Variants in RNASET2 observed in about 807,000 individuals in gnomAD.
The protein encoded by RNASET2 is ribonuclease T2.
In RNASET2, 28 loss-of-function variants were observed where a neutral mutation model predicts 33.9. That is an observed-to-expected ratio of 0.83 (90% confidence interval 0.61 to 1.13). The LOEUF (loss-of-function observed/expected upper bound fraction) is 1.13. Among genes scored for constraint, RNASET2 ranks in the 50% most tolerant of loss-of-function variants. The pLI, the probability that RNASET2 is intolerant of heterozygous loss-of-function variation, is 0.00. For synonymous variants in RNASET2, 123 were observed against 121.0 expected, an observed-to-expected ratio of 1.02 and a Z score of -0.11; for missense variants, 330 against 319.9, an observed-to-expected ratio of 1.03 and a Z score of -0.24.
chr6:166,951,124 T>C (rs1297583429), intron 2 of RNASET2, among the ~76,000 whole-genome samples: 2 of 152,046 alleles, frequency 1.3e-5, no homozygotes, highest in African/African-American at 4.8e-5. Flanking sequence ...GTCACGTGAG[T>C]CACGTGTCCA....
intron 7 of RNASET2, chr6:166,931,451 C>T (rs1369486106): frequency 4.8e-6 from 2 of 415,304 alleles, no homozygotes; most frequent in Admixed American, 7.7e-5. Context: ...CAGCCACCCT[C>T]ATCCACCAAC....
At chr6:166,946,433 C>T (rs934224916) in intron 4 of RNASET2, among the ~76,000 whole-genome samples, 2 of 152,204 alleles carry the variant, frequency 1.3e-5, no homozygotes, top group East Asian at 3.9e-4. Flanking sequence ...CCGGTCGGAG[C>T]CCCTCGCTCA....
intron 5 of RNASET2, among the ~76,000 whole-genome samples, chr6:166,939,434 T>C (rs1481405865): frequency 6.6e-6 from 1 of 152,200 alleles, no homozygotes; most frequent in East Asian, 1.9e-4. Context: ...TTTTACAAAG[T>C]AGGAAGGATA....
intron 8 of RNASET2, among the ~76,000 whole-genome samples, chr6:166,930,666 C>T (rs956786405): frequency 6.0e-5 from 9 of 149,478 alleles, no homozygotes; most frequent in Non-Finnish European, 8.9e-5. Flanking sequence ...ACAGCACATG[C>T]GCACATGTAT....
chr6:166,956,347 G>C lies in RNASET2; in HGVS notation c.-165C>G. On this transcript the variant is annotated 5_prime_UTR_variant, in exon 1 of 9. Coordinates refer to ENST00000508775, the MANE Select transcript of RNASET2 (RefSeq NM_003730.6). The stretch of plus-strand genomic sequence containing the variant: ...CCGGGTGCGCCCGGAGCCCTGGGAC[G>C]GCCTAAACCAGTATCTCGCGGGCCC... 3 of 660,594 alleles carry C rather than the reference G, an allele frequency of 4.5e-6. No individual in the cohort carries two copies. The highest frequency in any genetic ancestry group is 7.9e-6 in the Non-Finnish European group (3 of 378,246). The allele number at this position is 660,594 out of a possible 1,614,324, so 40.9% of individuals were successfully genotyped here.
Position 166,927,346 on chromosome 6 carries a change from G to A in RNASET2, c.*2242C>T, listed in dbSNP as rs1196639700. ...TTAAGAGAGCCAAGCATTTGCTTGTGCTCATGTTTTGAACCATCCAGCCCC... is the reference window on the plus strand; with the variant it reads ...TTAAGAGAGCCAAGCATTTGCTTGTACTCATGTTTTGAACCATCCAGCCCC... On this transcript the variant is annotated 3_prime_UTR_variant, in exon 9 of 9. Coordinates refer to ENST00000508775, the MANE Select transcript of RNASET2 (RefSeq NM_003730.6). Among the ~76,000 whole-genome samples, 5 of 152,036 alleles carry A rather than the reference G, an allele frequency of 3.3e-5. No individual in the cohort carries two copies. The highest frequency in any genetic ancestry group is 2.9e-5 in the Non-Finnish European group (2 of 68,010).
At chr6:166,930,897 C>T in intron 8 of RNASET2, 147 bp downstream of exon 8, 2 of 716,458 alleles carry the variant, frequency 2.8e-6, no homozygotes, top group Non-Finnish European at 5.1e-6. Flanking sequence ...CACACACATG[C>T]ACACACACAC....
chr6:166,956,207 T>C lies in RNASET2; in HGVS notation c.-25A>G. 1 of 1,541,130 alleles carries C rather than the reference T, an allele frequency of 6.5e-7. No homozygotes were observed. Among genetic ancestry groups the C allele is most frequent in the Non-Finnish European group, 8.8e-7 (1 of 1,140,376 alleles). ...TGGTGCCGACCTGCGGAGAGAACGC[T>C]GCCAGCTGCCGCTCCGGCTCCCACT... On this transcript the variant is annotated 5_prime_UTR_variant, in exon 1 of 9. Coordinates refer to ENST00000508775, the MANE Select transcript of RNASET2 (RefSeq NM_003730.6).
Position 166,941,970 on chromosome 6 carries a change from T to C in RNASET2, c.332+1049A>G, listed in dbSNP as rs887863266. Among the ~76,000 whole-genome samples the C allele has an allele frequency of 2.6e-5, 4 of 152,184 alleles. No individual in the cohort carries two copies. The South Asian group carries it at 6.2e-4, about 24-fold the overall frequency. ...TGCTGAACTTAAAGGTGCTTCACTA[T>C]GACTGAGGTCTCAGCCTCACATGCT... is the stretch of plus-strand genomic sequence containing the variant. On this transcript the variant is annotated intron_variant, in intron 5 of 8. Coordinates refer to ENST00000508775, the MANE Select transcript of RNASET2 (RefSeq NM_003730.6).
intron 6 of RNASET2, chr6:166,935,010 T>A (rs1053209954): frequency 1.6e-4 from 25 of 152,302 alleles, no homozygotes; most frequent in African/African-American, 5.8e-4. Context: ...AAATTCTAGA[T>A]CACGATCACA....
At position 166,927,701 on chromosome 6, in the gene RNASET2, C is replaced by A. The variant is rs1473854818; in HGVS notation, c.*1887G>T. 9.3e-6 allele frequency among the ~76,000 whole-genome samples: 1 copy of A among 107,614 alleles called. No individual in the cohort carries two copies. The highest frequency in any genetic ancestry group is 4.9e-5 in the African/African-American group (1 of 20,534). The allele number at this position is 107,614 out of a possible 152,430, so 70.6% of individuals were successfully genotyped here. A position where few individuals can be genotyped will look rare whatever the true frequency, so the allele number is the denominator to read the frequency against. ...AAACCCAAGCCTTGATCCCTGTGTT[C>A]GCAAAATGACTCAAAAAAAAAAAAA... On this transcript the variant is annotated 3_prime_UTR_variant, in exon 9 of 9. Transcript: ENST00000508775.
chr6:166,934,185 G>C (rs41269597), intron 6 of RNASET2, 49 bp from the exon 7 acceptor site: 77,602 of 1,212,138 alleles, frequency 0.064, 3,269 homozygotes, highest in African/African-American at 0.16. Flanking sequence ...GGTCCACTTT[G>C]CTTTCTTGTT....
intron 7 of RNASET2, 87 bp from the exon 8 acceptor site, chr6:166,931,205 G>A: frequency 4.1e-6 from 4 of 970,486 alleles, no homozygotes; most frequent in Non-Finnish European, 6.7e-6. Flanking sequence ...AACAGTGGCA[G>A]GGTCCTGGTC....
chr6:166,938,886 C>A lies in RNASET2; in HGVS notation c.446+9G>T, dbSNP rs759687913. 1 of 1,586,264 alleles carries A rather than the reference C, an allele frequency of 6.3e-7. No individual in the cohort carries two copies. Among genetic ancestry groups the A allele is most frequent in the Non-Finnish European group, 8.7e-7 (1 of 1,154,502 alleles). On this transcript the variant is annotated intron_variant, in intron 6 of 8. Transcript: ENST00000508775. ...CTGGGAAGTGCAGCCGGGGGAAGGG[C>A]GCACCCACCTGTTGAGGTCCAGCTC...
At chr6:166,940,162 C>G (rs1262053134) in intron 5 of RNASET2, among the ~76,000 whole-genome samples, 1 of 152,174 alleles carries the variant, frequency 6.6e-6, no homozygotes, top group Non-Finnish European at 1.5e-5. Flanking sequence ...AGATGTTTAT[C>G]ATCTTTAGCA....
At chr6:166,955,344 C>CACACAA (rs1562507495) in intron 1 of RNASET2, 37 of 151,276 alleles carry the variant, frequency 2.4e-4, no homozygotes, top group African/African-American at 1.8e-3. Context: ...CGCACACGCA[C>CACACAA]ACGCACGCAC....
Position 166,927,201 on chromosome 6 carries a change from G to T in RNASET2, c.*2387C>A, listed in dbSNP as rs868615463. ...TGATCTCCATCACTGAACCTTAAAC[G>T]CAGAGTCTTCCCCTTCTGTCTCCTG... On this transcript the variant is annotated 3_prime_UTR_variant, in exon 9 of 9. Transcript: ENST00000508775. Among the ~76,000 whole-genome samples the T allele has an allele frequency of 6.6e-6, 1 of 152,122 alleles. No homozygotes were observed.
chr6:166,947,008 A>C (rs1356035286), intron 3 of RNASET2, among the ~76,000 whole-genome samples: 1 of 152,174 alleles, frequency 6.6e-6, no homozygotes, highest in Non-Finnish European at 1.5e-5. Context: ...AGGAAGTGCA[A>C]TGGATAGCCT....
In RNASET2 at chr6:166,929,421, C is replaced by G; in HGVS notation, c.*167G>C. 1 of 734,820 alleles carries G rather than the reference C, an allele frequency of 1.4e-6. No homozygotes were observed. 45.5% of individuals were successfully genotyped at this position (734,820 alleles called of 1,614,324 possible). A position where few individuals can be genotyped will look rare whatever the true frequency, so the allele number is the denominator to read the frequency against. ...AGGCGTGGGAGAGCTCCTTTCTCCC[C>G]GTGTACGCCACATGCACTCACTCTA... On this transcript the variant is annotated 3_prime_UTR_variant, in exon 9 of 9. Transcript: ENST00000508775.
Sources: allele counts gnomAD v4.1 joint callset (sites outside exome capture counted in the v4.1 genomes callset), GRCh38; gene constraint gnomAD v4.1.1; transcripts MANE v1.5; gene names NCBI Gene and HGNC (gene_info 2026-07-23, HGNC 2026-07-21).